SLC12A7: variants seen among roughly 807,000 people sequenced by gnomAD.
The protein encoded by SLC12A7 is K-Cl cotransporter 4.
Under a neutral mutation model 120.6 loss-of-function variants are expected in SLC12A7, and 100 were observed. The observed-to-expected ratio is 0.83, with a 90% confidence interval of 0.71 to 0.98. The LOEUF (loss-of-function observed/expected upper bound fraction) is 0.98, where lower values mean the gene tolerates loss of function less well. SLC12A7 is among the 50% of genes least tolerant of loss of function. SLC12A7 has a pLI of 0.00. For synonymous variants in SLC12A7, 760 were observed against 678.0 expected (o/e 1.12, Z -1.88); for missense variants, 1,373 against 1,548.1 (o/e 0.89, Z 1.90).
intron 22 of SLC12A7, among the ~76,000 whole-genome samples, chr5:1,054,970 G>A (rs1192430829): frequency 6.6e-6 from 1 of 152,218 alleles, no homozygotes; most frequent in East Asian, 1.9e-4. Context: ...GGAAGTGAAA[G>A]CAGGCCAGGA....
upstream of SLC12A7, among the ~76,000 whole-genome samples, chr5:1,112,821 T>C (rs1332570970): frequency 6.7e-6 from 1 of 149,294 alleles, no homozygotes; most frequent in Non-Finnish European, 1.5e-5. Flanking sequence ...GGTGGGGTAC[T>C]CCGGAGCTTG....
At chr5:1,129,006 C>G in the SLC12A7 span, among the ~76,000 whole-genome samples, 1 of 152,200 alleles carries the variant, frequency 6.6e-6, no homozygotes, top group Non-Finnish European at 1.5e-5. Flanking sequence ...CCAAGCATAC[C>G]CCGCTGCCCC....
the SLC12A7 span, among the ~76,000 whole-genome samples, chr5:1,121,059 C>G: frequency 6.6e-6 from 1 of 152,220 alleles, no homozygotes; most frequent in Non-Finnish European, 1.5e-5. Flanking sequence ...TGCATCCTGA[C>G]CTTGACACTG....
intron 23 of SLC12A7, among the ~76,000 whole-genome samples, chr5:1,052,828 G>A (rs1194294840): frequency 1.3e-5 from 2 of 152,232 alleles, no homozygotes; most frequent in South Asian, 4.1e-4. Context: ...GCCCTCACTG[G>A]CCCCAGTTCT....
At chr5:1,074,281 C>T (rs773257631) in intron 16 of SLC12A7, among the ~76,000 whole-genome samples, 13 of 152,142 alleles carry the variant, frequency 8.5e-5, no homozygotes, top group Non-Finnish European at 1.8e-4. Flanking sequence ...GGGGCAGAGG[C>T]TTCCCAAAGA....
chr5:1,064,648 G>A (rs1034947236), intron 18 of SLC12A7, among the ~76,000 whole-genome samples: 21 of 150,746 alleles, frequency 1.4e-4, no homozygotes, highest in Non-Finnish European at 2.2e-4. Context: ...CAGAGGGGAC[G>A]GCGAGGAGAC....
the SLC12A7 span, among the ~76,000 whole-genome samples, chr5:1,148,878 G>A: frequency 6.6e-6 from 1 of 152,238 alleles, no homozygotes; most frequent in South Asian, 2.1e-4. Flanking sequence ...GTTTGATGAT[G>A]CCATTTAGCC....
the SLC12A7 span, among the ~76,000 whole-genome samples, chr5:1,148,586 T>C: frequency 7.9e-5 from 12 of 152,356 alleles, no homozygotes; most frequent in South Asian, 1.5e-3. Flanking sequence ...CAAATTTAGC[T>C]GTAGATTGAA....
the SLC12A7 span, among the ~76,000 whole-genome samples, chr5:1,118,380 G>A: frequency 6.6e-6 from 1 of 152,248 alleles, no homozygotes; most frequent in Non-Finnish European, 1.5e-5. Flanking sequence ...AGAGAGATAA[G>A]AAGATCCCAC....
chr5:1,056,009 G>A (rs114676263), intron 22 of SLC12A7, among the ~76,000 whole-genome samples: 2,627 of 152,282 alleles, frequency 0.017, 63 homozygotes, highest in African/African-American at 0.059. Context: ...ACTGGCGGGG[G>A]CAGGCAGGGG....
chr5:1,084,184 A>ACTG (rs1739548889), intron 7 of SLC12A7, among the ~76,000 whole-genome samples: 1 of 148,186 alleles, frequency 6.7e-6, no homozygotes, highest in African/African-American at 2.7e-5. Context: ...ACTGGGGACC[A>ACTG]GGGACCGGGG....
At chr5:1,122,273 G>A in the SLC12A7 span, among the ~76,000 whole-genome samples, 2 of 152,304 alleles carry the variant, frequency 1.3e-5, no homozygotes, top group East Asian at 1.9e-4. Context: ...AGGGCTGTGC[G>A]AGGCGGGGTG....
At chr5:1,068,606 A>G (rs769461988) in intron 17 of SLC12A7, among the ~76,000 whole-genome samples, 4 of 152,350 alleles carry the variant, frequency 2.6e-5, no homozygotes, top group South Asian at 4.1e-4. Flanking sequence ...CTCGCAACCA[A>G]TGCAGCTAAG....
At chr5:1,074,214 G>T (rs1004916952) in intron 16 of SLC12A7, among the ~76,000 whole-genome samples, 1 of 151,428 alleles carries the variant, frequency 6.6e-6, no homozygotes, top group East Asian at 2.0e-4. Context: ...CCCCGCCGAG[G>T]CCCCTGAGGG....
the SLC12A7 span, among the ~76,000 whole-genome samples, chr5:1,138,211 C>T: frequency 3.3e-5 from 5 of 152,160 alleles, no homozygotes; most frequent in Non-Finnish European, 4.4e-5. Context: ...AAAACACAAA[C>T]CTTCCACATC....
chr5:1,114,875 G>A (rs57223105), upstream of SLC12A7, among the ~76,000 whole-genome samples: 14,386 of 152,214 alleles, frequency 0.095, 893 homozygotes, highest in East Asian at 0.18. Flanking sequence ...TTTCCAGTGC[G>A]TGGTGGCTTC....
the SLC12A7 span, among the ~76,000 whole-genome samples, chr5:1,135,343 A>G: frequency 6.6e-5 from 10 of 151,854 alleles, no homozygotes; most frequent in Non-Finnish European, 1.0e-4. Context: ...AACCACACAC[A>G]ACCACCATGC....
the SLC12A7 span, among the ~76,000 whole-genome samples, chr5:1,121,782 C>A: frequency 6.6e-6 from 1 of 152,170 alleles, no homozygotes; most frequent in Admixed American, 6.5e-5. Flanking sequence ...GGGTCAGCCC[C>A]GGAGCCGCGC....
At chr5:1,123,333 C>T in the SLC12A7 span, among the ~76,000 whole-genome samples, 2 of 151,978 alleles carry the variant, frequency 1.3e-5, no homozygotes, top group Non-Finnish European at 2.9e-5. Flanking sequence ...GACCCCGGCT[C>T]CGAGGAGGGG....
Sources: allele counts gnomAD v4.1 joint callset (sites outside exome capture counted in the v4.1 genomes callset), GRCh38; gene constraint gnomAD v4.1.1; transcripts MANE v1.5; gene names NCBI Gene and HGNC (gene_info 2026-07-23, HGNC 2026-07-21).